The following DOK6 variants were observed in gnomAD, a reference collection of about 807,000 sequenced individuals.
DOK6 encodes downstream of tyrosine kinase 6.
DOK6 carries 22 observed loss-of-function variants against 44.0 expected under a neutral mutation model. That is an observed-to-expected ratio of 0.50 (90% CI 0.36 to 0.71). The LOEUF (loss-of-function observed/expected upper bound fraction) is 0.71. Among genes scored for constraint, DOK6 ranks in the 30% least tolerant of loss-of-function variants. The pLI is 0.00. For synonymous variants in DOK6, 166 were observed against 145.5 expected, an observed-to-expected ratio of 1.14 and a Z score of -1.01; for missense variants, 340 against 416.4, an observed-to-expected ratio of 0.82 and a Z score of 1.60.
At chr18:69,442,426 G>A (rs1398190465) in intron 1 of DOK6, among the ~76,000 whole-genome samples, 1 of 152,080 alleles carries the variant, frequency 6.6e-6, no homozygotes, top group East Asian at 1.9e-4. Context: ...TCTTCACATG[G>A]CAGCAGGAAA....
At chr18:69,628,388 G>A (rs1984609574) in intron 3 of DOK6, among the ~76,000 whole-genome samples, 2 of 152,142 alleles carry the variant, frequency 1.3e-5, no homozygotes, top group South Asian at 4.1e-4. Context: ...TACTTGGGGG[G>A]CTGAAGCACA....
At chr18:69,473,007 A>T (rs1980159806) in intron 1 of DOK6, among the ~76,000 whole-genome samples, 1 of 152,208 alleles carries the variant, frequency 6.6e-6, no homozygotes, top group Non-Finnish European at 1.5e-5. Context: ...AGCAGTGCTA[A>T]TATGTAAGTT....
intron 6 of DOK6, among the ~76,000 whole-genome samples, chr18:69,747,593 G>A (rs550840519): frequency 2.0e-5 from 3 of 148,388 alleles, no homozygotes; most frequent in South Asian, 2.2e-4. Context: ...TTTCCGCTCC[G>A]CCCCCTCCCC....
chr18:69,813,276 G>A (rs959493871), intron 7 of DOK6, among the ~76,000 whole-genome samples: 1 of 152,140 alleles, frequency 6.6e-6, no homozygotes. Flanking sequence ...ATCATACCAA[G>A]GGAAAAATAT....
chr18:69,737,803 A>G (rs1351150712), intron 5 of DOK6, among the ~76,000 whole-genome samples: 2 of 152,146 alleles, frequency 1.3e-5, no homozygotes, highest in Non-Finnish European at 2.9e-5. Flanking sequence ...TTACATCTCA[A>G]TGACCGAGTG....
rs79022537 is a variant in DOK6, at chr18:69,557,258, T to C, written c.67-7229T>C. ...GTAACTGAAAATTCTTCCGAGTTTCTAACCAAAATCCTACTTGAAGTGCAG... is the reference window on the plus strand; with the variant it reads ...GTAACTGAAAATTCTTCCGAGTTTCCAACCAAAATCCTACTTGAAGTGCAG... On this transcript the variant is annotated intron_variant, in intron 1 of 7. Coordinates refer to ENST00000382713, the MANE Select transcript of DOK6 (RefSeq NM_152721.6). 8.1e-3 allele frequency among the ~76,000 whole-genome samples: 1,238 copies of C among 152,310 alleles called. 11 individuals carry two copies. Among genetic ancestry groups the C allele is most frequent in the Non-Finnish European group, 0.014 (940 of 68,024 alleles).
chr18:69,526,126 C>G (rs1401223607), intron 1 of DOK6, among the ~76,000 whole-genome samples: 1 of 151,944 alleles, frequency 6.6e-6, no homozygotes, highest in South Asian at 2.1e-4. Flanking sequence ...ATATACAATT[C>G]TGTTGTTTTT....
chr18:69,694,002 C>A (rs901202540), intron 4 of DOK6, among the ~76,000 whole-genome samples: 4 of 131,280 alleles, frequency 3.0e-5, no homozygotes, highest in Non-Finnish European at 6.2e-5. Flanking sequence ...GAGCTTGCAG[C>A]GAGCCGAGAT....
chr18:69,716,836 A>G (rs2144720131), intron 5 of DOK6, among the ~76,000 whole-genome samples: 1 of 152,214 alleles, frequency 6.6e-6, no homozygotes, highest in South Asian at 2.1e-4. Context: ...CTGATTTCCA[A>G]ATGGGTACCC....
intron 2 of DOK6, among the ~76,000 whole-genome samples, chr18:69,595,786 A>T (rs1320088048): frequency 6.6e-6 from 1 of 152,118 alleles, no homozygotes. Flanking sequence ...TTGGTGCAAA[A>T]AATTTTTAAT....
chr18:69,735,105 C>G (rs981104685), intron 5 of DOK6, among the ~76,000 whole-genome samples: 4 of 152,170 alleles, frequency 2.6e-5, no homozygotes, highest in Non-Finnish European at 4.4e-5. Context: ...TCCACATGAT[C>G]CCTGGTTATT....
chr18:69,701,133 A>G (rs765474078), intron 5 of DOK6, among the ~76,000 whole-genome samples: 4 of 152,208 alleles, frequency 2.6e-5, no homozygotes, highest in African/African-American at 4.8e-5. Flanking sequence ...ATGGATATAC[A>G]TCGTTTATTC....
chr18:69,578,882 A>ATATC (rs10689477), intron 2 of DOK6, among the ~76,000 whole-genome samples: 141,950 of 152,010 alleles, frequency 0.93, 67,077 homozygotes, highest in East Asian at 1. Context: ...TTCACTATAA[A>ATATC]TATCTAGCAT....
intron 1 of DOK6, among the ~76,000 whole-genome samples, chr18:69,542,865 C>T (rs1982306328): frequency 6.6e-6 from 1 of 151,538 alleles, no homozygotes; most frequent in Non-Finnish European, 1.5e-5. Flanking sequence ...CCTAAGGCTG[C>T]AAGGTGCCAT....
At chr18:69,766,902 G>C (rs1174643905) in intron 7 of DOK6, among the ~76,000 whole-genome samples, 2 of 152,094 alleles carry the variant, frequency 1.3e-5, no homozygotes, top group African/African-American at 4.8e-5. Flanking sequence ...ACTGTGCTTG[G>C]GGAAATTTGT....
intron 1 of DOK6, among the ~76,000 whole-genome samples, chr18:69,526,711 A>T (rs947230406): frequency 2.6e-5 from 4 of 152,184 alleles, no homozygotes; most frequent in Admixed American, 2.0e-4. Flanking sequence ...GTGTGATTTC[A>T]GTTCTTTTAA....
chr18:69,477,262 C>T (rs1454322587), intron 1 of DOK6, among the ~76,000 whole-genome samples: 1 of 152,104 alleles, frequency 6.6e-6, no homozygotes, highest in Non-Finnish European at 1.5e-5. Context: ...TTTCGAGATC[C>T]GTTCTAAGCC....
intron 3 of DOK6, among the ~76,000 whole-genome samples, chr18:69,658,352 T>C (rs894492709): frequency 6.6e-6 from 1 of 152,192 alleles, no homozygotes. Context: ...ATCTGCAAAA[T>C]TGTGAAATAG....
chr18:69,618,330 G>A (rs1198212207), intron 3 of DOK6, among the ~76,000 whole-genome samples: 2 of 152,146 alleles, frequency 1.3e-5, no homozygotes, highest in East Asian at 1.9e-4. Flanking sequence ...CAACAGGTAG[G>A]TGCATGGAAA....
Sources: allele counts gnomAD v4.1 joint callset (sites outside exome capture counted in the v4.1 genomes callset), GRCh38; gene constraint gnomAD v4.1.1; transcripts MANE v1.5; gene names NCBI Gene and HGNC (gene_info 2026-07-23, HGNC 2026-07-21).